DTNBP1: variants seen among roughly 807,000 people sequenced by gnomAD.
DTNBP1 encodes the protein dysbindin.
In DTNBP1, 35 loss-of-function variants were observed where a neutral mutation model predicts 42.8. The ratio of observed to expected loss-of-function variants is 0.82; its 90% CI spans 0.63 to 1.09. The LOEUF (loss-of-function observed/expected upper bound fraction) is 1.09, where lower values mean the gene tolerates loss of function less well. Ranked by LOEUF, DTNBP1 falls within the 50% of genes least tolerant of loss-of-function variation. The pLI is 0.00. For missense variants in DTNBP1, 457 were observed against 424.2 expected (o/e 1.08, Z -0.68); for synonymous variants, 171 against 162.2 (o/e 1.05, Z -0.41).
intron 7 of DTNBP1, among the ~76,000 whole-genome samples, chr6:15,573,135 T>C (rs931169491): frequency 8.5e-5 from 13 of 152,202 alleles, no homozygotes; most frequent in African/African-American, 2.9e-4. Context: ...ATCCCCTAAA[T>C]AGTAGCAAGG....
intron 9 of DTNBP1, chr6:15,524,118 A>G (rs1772161904): frequency 7.4e-6 from 10 of 1,355,352 alleles, no homozygotes; most frequent in East Asian, 4.2e-5. Context: ...GGCTTTGCCC[A>G]TGGCAGGCAC....
Position 15,627,379 on chromosome 6 carries a change from A to C in DTNBP1, c.319T>G (p.Leu107Val). 1 of 1,613,900 alleles carries C rather than the reference A, an allele frequency of 6.2e-7. No individual in the cohort carries two copies. The highest frequency in any genetic ancestry group is 8.5e-7 in the Non-Finnish European group (1 of 1,179,952). ...LQEQLQQLPA[L>V]IADLESMTAN... ...GTCATGGATTCTAAGTCTGCGATTA[A>C]AGCTGGGAGCTGCTGGAGCTGCTCT... The change falls in exon 5 of 10, where the codon TTA (leucine) becomes GTA (valine). Residue 107 changes from leucine (L) to valine (V), a missense_variant. Leu to Val is a conservative substitution (Grantham distance 32). Transcript: ENST00000344537.
intron 3 of DTNBP1, among the ~76,000 whole-genome samples, chr6:15,641,259 A>G (rs1178506555): frequency 6.6e-6 from 1 of 152,182 alleles, no homozygotes; most frequent in Non-Finnish European, 1.5e-5. Flanking sequence ...CTTACTAGGA[A>G]TATCAAAAGC....
intron 7 of DTNBP1, chr6:15,546,211 G>A (rs554891005): frequency 3.0e-4 from 96 of 318,244 alleles, no homozygotes; most frequent in African/African-American, 1.4e-3. Context: ...GATTACAGGC[G>A]CGTACCACCA....
At chr6:15,544,392 T>A (rs997767561) in intron 7 of DTNBP1, among the ~76,000 whole-genome samples, 2 of 152,226 alleles carry the variant, frequency 1.3e-5, no homozygotes, top group African/African-American at 4.8e-5. Flanking sequence ...AGTTCCTACA[T>A]GAAAATAAGT....
At chr6:15,615,522 TA>T in intron 5 of DTNBP1, 123 bp from the exon 6 acceptor site, 1 of 1,323,848 alleles carries the variant, frequency 7.6e-7, no homozygotes, top group Non-Finnish European at 1.0e-6. Context: ...TAATGTTTTT[TA>T]TTAAACTTTC....
chr6:15,527,637 C>G (rs184056932), intron 8 of DTNBP1, among the ~76,000 whole-genome samples: 1 of 152,086 alleles, frequency 6.6e-6, no homozygotes, highest in Admixed American at 6.5e-5. Context: ...GAAAGCGACA[C>G]TGAAGAGAAG....
chr6:15,524,793 G>C (rs949782351), intron 8 of DTNBP1, 124 bp from the exon 9 acceptor site: 24 of 1,444,716 alleles, frequency 1.7e-5, no homozygotes, highest in Middle Eastern at 3.5e-4. Flanking sequence ...GGAATTTGAA[G>C]CAACGTATTA....
chr6:15,618,595 G>A (rs76156811), intron 5 of DTNBP1, among the ~76,000 whole-genome samples: 6,854 of 151,768 alleles, frequency 0.045, 206 homozygotes, highest in African/African-American at 0.075. Context: ...TCAAGAACGC[G>A]GAGAAACGAG....
At position 15,587,398 on chromosome 6, in the gene DTNBP1, A is replaced by G. The variant is rs1460099670; in HGVS notation, c.511+5661T>C. Among the ~76,000 whole-genome samples the G allele has an allele frequency of 6.6e-6, 1 of 152,240 alleles. No individual in the cohort carries two copies. The highest frequency in any genetic ancestry group is 1.5e-5 in the Non-Finnish European group (1 of 68,048). ...GCTCTTTCCTTTGTTAGAATTGTCA[A>G]AATGATCCTAAAATTTATATGAAAA... On this transcript the variant is annotated intron_variant, in intron 7 of 9. Coordinates refer to ENST00000344537, the MANE Select transcript of DTNBP1 (RefSeq NM_032122.5). This position sits in a 1 kb window ranked among gnomAD's most constrained non-coding sequence, Gnocchi z 4.1.
intron 8 of DTNBP1, among the ~76,000 whole-genome samples, chr6:15,525,998 A>G (rs1772358110): frequency 6.6e-6 from 1 of 152,212 alleles, no homozygotes; most frequent in Non-Finnish European, 1.5e-5. Context: ...AAAGGCAGCC[A>G]GAGAGAGAGG....
In DTNBP1 at chr6:15,549,491, TAA is replaced by T. The variant is rs1171397685; in HGVS notation, c.512-16098_512-16097del. ...CAGAGCAAGACTTTGTCTCAGGGAT[TAA>T]AAAAAAAAAAAAAAAAAAAAAAAAG... On this transcript the variant is annotated intron_variant, in intron 7 of 9. Coordinates refer to ENST00000344537, the MANE Select transcript of DTNBP1 (RefSeq NM_032122.5). Among the ~76,000 whole-genome samples the T allele has an allele frequency of 4.5e-3, 348 of 77,948 alleles. 2 individuals carry two copies. The highest frequency in any genetic ancestry group is 0.016 in the African/African-American group (313 of 20,026). The allele number at this position is 77,948 out of a possible 152,430, so 51.1% of individuals were successfully genotyped here. A position where few individuals can be genotyped will look rare whatever the true frequency, so the allele number is the denominator to read the frequency against.
At chr6:15,556,899 T>C (rs1774556935) in intron 7 of DTNBP1, among the ~76,000 whole-genome samples, 1 of 152,196 alleles carries the variant, frequency 6.6e-6, no homozygotes, top group African/African-American at 2.4e-5. Context: ...CCATCCCACT[T>C]TGAATGGATT....
intron 7 of DTNBP1, among the ~76,000 whole-genome samples, chr6:15,554,481 G>A (rs1322616968): frequency 6.6e-6 from 1 of 152,134 alleles, no homozygotes; most frequent in East Asian, 1.9e-4. Context: ...ACTGAAGAAT[G>A]AGGTTCATAA....
chr6:15,615,227 G>A (rs201994968), intron 6 of DTNBP1, 40 bp downstream of exon 6: 11 of 1,613,982 alleles, frequency 6.8e-6, no homozygotes, highest in Middle Eastern at 1.7e-4. Flanking sequence ...GGAAAACTTC[G>A]AGACTGGAAT....
chr6:15,623,397 C>A (rs146796398), intron 5 of DTNBP1, among the ~76,000 whole-genome samples: 4 of 152,274 alleles, frequency 2.6e-5, no homozygotes, highest in Non-Finnish European at 4.4e-5. Context: ...TTAACAGCAT[C>A]TTCTGGCTGG....
intron 8 of DTNBP1, among the ~76,000 whole-genome samples, chr6:15,529,553 C>T (rs748772150): frequency 1.3e-5 from 2 of 152,186 alleles, no homozygotes; most frequent in East Asian, 1.9e-4. Context: ...ACTGGGTCCA[C>T]GCTGGAGCAT....
intron 7 of DTNBP1, among the ~76,000 whole-genome samples, chr6:15,570,328 G>A (rs1448695818): frequency 6.6e-6 from 1 of 152,160 alleles, no homozygotes; most frequent in African/African-American, 2.4e-5. Context: ...CTTGTAGACT[G>A]CCAGCTTCTT....
chr6:15,569,515 C>T (rs764880299), intron 7 of DTNBP1, among the ~76,000 whole-genome samples: 23 of 152,148 alleles, frequency 1.5e-4, no homozygotes, highest in Non-Finnish European at 2.6e-4. Context: ...CTCAGGGAGG[C>T]GATGTGCGGT....
Sources: allele counts gnomAD v4.1 joint callset (sites outside exome capture counted in the v4.1 genomes callset), GRCh38; gene constraint gnomAD v4.1.1; non-coding constraint Gnocchi (gnomAD v3.1); transcripts MANE v1.5; gene names NCBI Gene and HGNC (gene_info 2026-07-23, HGNC 2026-07-21).